The following LARGE1 variants were observed in gnomAD, a reference collection of about 807,000 sequenced individuals.
The protein encoded by LARGE1 is LARGE xylosyl- and glucuronyltransferase 1, also known as xylosyl- and glucuronyltransferase LARGE1.
LARGE1 carries 43 observed loss-of-function variants against 87.6 expected under a neutral mutation model. The ratio of observed to expected loss-of-function variants is 0.49; its 90% confidence interval spans 0.38 to 0.63. LARGE1 has a LOEUF of 0.63. LARGE1 is among the 30% of genes least tolerant of loss of function. The probability of loss-of-function intolerance (pLI) is 0.00; values close to 1 mark genes in which losing one functional copy is unlikely to be tolerated. For missense variants in LARGE1, 802 were observed against 1,000.2 expected, an observed-to-expected ratio of 0.80 and a Z score of 2.67; for synonymous variants, 434 against 394.6, an observed-to-expected ratio of 1.10 and a Z score of -1.18.
intron 6 of LARGE1, among the ~76,000 whole-genome samples, chr22:33,444,990 C>T (rs546472134): frequency 1.5e-3 from 228 of 152,254 alleles, no homozygotes; most frequent in African/African-American, 3.9e-3. Flanking sequence ...CCACCATGCA[C>T]GGCTCATTTT....
intron 7 of LARGE1, among the ~76,000 whole-genome samples, chr22:33,392,423 C>A (rs1442408144): frequency 6.6e-6 from 1 of 152,158 alleles, no homozygotes; most frequent in Non-Finnish European, 1.5e-5. Flanking sequence ...CTTTGAGAGG[C>A]AGAGGAGGGT....
At chr22:33,765,245 C>T (rs1034238677) in intron 1 of LARGE1, among the ~76,000 whole-genome samples, 2 of 152,156 alleles carry the variant, frequency 1.3e-5, no homozygotes, top group African/African-American at 4.8e-5. Context: ...GCTCTGCTCT[C>T]CCTCAGCAAT....
chr22:33,732,553 C>G (rs1368288366), intron 2 of LARGE1: 2 of 152,394 alleles, frequency 1.3e-5, no homozygotes, highest in Non-Finnish European at 2.9e-5. Context: ...CCTCTCCAAA[C>G]AGAAACTCCA....
chr22:33,149,040 CTTTTTTTT>C, the LARGE1 span, among the ~76,000 whole-genome samples: 3 of 136,942 alleles, frequency 2.2e-5, no homozygotes, highest in African/African-American at 8.0e-5. Flanking sequence ...TTCTTTTTTT[CTTTTTTTT>C]TTTTTTTGAG....
chr22:33,644,105 C>T (rs1318328812), intron 3 of LARGE1, among the ~76,000 whole-genome samples: 1 of 151,980 alleles, frequency 6.6e-6, no homozygotes, highest in Non-Finnish European at 1.5e-5. Flanking sequence ...AGAGACACAA[C>T]AAAAAAAGAA....
At chr22:33,541,342 T>A (rs971309226) in intron 6 of LARGE1, among the ~76,000 whole-genome samples, 2 of 152,106 alleles carry the variant, frequency 1.3e-5, no homozygotes, top group Non-Finnish European at 2.9e-5. Context: ...ATGGTTGTGA[T>A]GCAAAGTTAA....
chr22:33,380,054 T>A (rs1400088931), intron 9 of LARGE1, among the ~76,000 whole-genome samples: 1 of 152,250 alleles, frequency 6.6e-6, no homozygotes, highest in East Asian at 1.9e-4. Flanking sequence ...TTTGCTTATC[T>A]TTTTGGATTC....
At chr22:33,508,611 T>C (rs2070879028) in intron 6 of LARGE1, among the ~76,000 whole-genome samples, 1 of 152,192 alleles carries the variant, frequency 6.6e-6, no homozygotes, top group South Asian at 2.1e-4. Flanking sequence ...TATAAATCAC[T>C]TTTTGCTTCC....
chr22:33,736,617 A>G (rs1357850115), intron 2 of LARGE1, among the ~76,000 whole-genome samples: 1 of 152,212 alleles, frequency 6.6e-6, no homozygotes, highest in Non-Finnish European at 1.5e-5. Context: ...CCTCTGAAAC[A>G]CAAAAGATTT....
At chr22:33,085,040 C>T in the LARGE1 span, among the ~76,000 whole-genome samples, 1 of 152,208 alleles carries the variant, frequency 6.6e-6, no homozygotes, top group Non-Finnish European at 1.5e-5. Flanking sequence ...CTTTGGGAGG[C>T]CAAGGAGGGT....
chr22:33,365,136 G>C (rs1454521887), intron 9 of LARGE1, among the ~76,000 whole-genome samples: 1 of 152,054 alleles, frequency 6.6e-6, no homozygotes, highest in Admixed American at 6.6e-5. Flanking sequence ...TTCATCAGGA[G>C]GACACAGGCC....
At chr22:33,501,083 G>A (rs574023634) in intron 6 of LARGE1, among the ~76,000 whole-genome samples, 9 of 152,144 alleles carry the variant, frequency 5.9e-5, no homozygotes, top group Non-Finnish European at 1.2e-4. Context: ...AAAGACGGAG[G>A]GTGGAGGGTG....
At chr22:33,509,146 A>T (rs372616958) in intron 6 of LARGE1, among the ~76,000 whole-genome samples, 91 of 152,226 alleles carry the variant, frequency 6.0e-4, no homozygotes, top group African/African-American at 1.8e-3. Flanking sequence ...ACGCATTATA[A>T]TCACTGAGGG....
chr22:33,526,196 C>T (rs1391585582), intron 6 of LARGE1, among the ~76,000 whole-genome samples: 2 of 151,810 alleles, frequency 1.3e-5, no homozygotes, highest in East Asian at 3.9e-4. Context: ...CAATGTTTTA[C>T]GACTGTATTT....
chr22:33,784,325 AT>A (rs1160923449), intron 1 of LARGE1, among the ~76,000 whole-genome samples: 4 of 152,184 alleles, frequency 2.6e-5, no homozygotes, highest in African/African-American at 4.8e-5. Flanking sequence ...AGTTAATACT[AT>A]CCCCAATGTA....
intron 6 of LARGE1, among the ~76,000 whole-genome samples, chr22:33,498,499 C>T (rs1023395240): frequency 7.2e-5 from 11 of 152,180 alleles, no homozygotes; most frequent in Middle Eastern, 3.4e-3. Context: ...CTGCGGCAGC[C>T]GAATGTCTTG....
At chr22:33,795,673 T>C (rs770673602) in intron 1 of LARGE1, among the ~76,000 whole-genome samples, 4 of 152,188 alleles carry the variant, frequency 2.6e-5, no homozygotes, top group Admixed American at 2.0e-4. Context: ...TGGAATACTA[T>C]GCAGCCCTAA....
the LARGE1 span, among the ~76,000 whole-genome samples, chr22:33,078,405 C>A: frequency 6.6e-6 from 1 of 152,132 alleles, no homozygotes; most frequent in East Asian, 1.9e-4. Context: ...TGTGCCAGGA[C>A]CCAGGTTAAG....
chr22:33,386,345 T>C (rs1027899250), intron 7 of LARGE1, among the ~76,000 whole-genome samples: 36 of 149,008 alleles, frequency 2.4e-4, no homozygotes, highest in African/African-American at 8.8e-4. Flanking sequence ...CTCAACCACA[T>C]AGACTAGAGC....
Sources: gnomAD v4.1 joint callset for allele counts (sites outside exome capture counted in the v4.1 genomes callset) on GRCh38, gnomAD v4.1.1 for gene constraint, MANE v1.5 for transcripts, NCBI Gene and HGNC (gene_info 2026-07-23, HGNC 2026-07-21) for gene names.